CSMD2: variants seen among roughly 807,000 people sequenced by gnomAD.
The protein encoded by CSMD2 is CUB and Sushi multiple domains 2.
Under a neutral mutation model 398.5 loss-of-function variants are expected in CSMD2, and 130 were observed. That is an observed-to-expected ratio of 0.33 (90% CI 0.28 to 0.38). The LOEUF (loss-of-function observed/expected upper bound fraction) is 0.38, where lower values mean the gene tolerates loss of function less well. Ranked by LOEUF, CSMD2 falls within the 10% of genes least tolerant of loss-of-function variation. The pLI, the probability that CSMD2 is intolerant of heterozygous loss-of-function variation, is 1.00. For missense variants in CSMD2, 3,829 were observed against 4,764.9 expected (o/e 0.80, Z 5.78); for synonymous variants, 1,828 against 1,908.5 (o/e 0.96, Z 1.10).
chr1:34,019,243 G>C lies in CSMD2; in HGVS notation c.517+13351C>G, dbSNP rs116821077. Among the ~76,000 whole-genome samples, 1,475 of 152,260 alleles carry C rather than the reference G, an allele frequency of 9.7e-3. 21 individuals carry two copies. The highest frequency in any genetic ancestry group is 0.034 in the African/African-American group (1,404 of 41,536). ...CATCATCACCCAATGCATTTGCTAT[G>C]TCTCCCTGCCCTGACTCCTCTGCAT... On this transcript the variant is annotated intron_variant, in intron 3 of 70. Coordinates refer to ENST00000373381, the MANE Select transcript of CSMD2 (RefSeq NM_001281956.2).
chr1:33,788,268 G>A (rs1182087804), intron 12 of CSMD2, among the ~76,000 whole-genome samples: 2 of 152,108 alleles, frequency 1.3e-5, no homozygotes, highest in East Asian at 3.9e-4. Context: ...AGCACGTTGG[G>A]AGGCTGAGGC....
intron 2 of CSMD2, among the ~76,000 whole-genome samples, chr1:34,045,359 A>G (rs1652401388): frequency 6.6e-6 from 1 of 152,154 alleles, no homozygotes; most frequent in South Asian, 2.1e-4. Context: ...GAATGAGAGG[A>G]AGTCTAAAGA....
chr1:33,704,585 T>A (rs1209807292), intron 22 of CSMD2, among the ~76,000 whole-genome samples: 1 of 152,242 alleles, frequency 6.6e-6, no homozygotes, highest in Admixed American at 6.5e-5. Context: ...AATGTCTTTT[T>A]CTTTGCTAAT....
chr1:33,610,722 G>A (rs1027351237), intron 41 of CSMD2, among the ~76,000 whole-genome samples: 2 of 152,228 alleles, frequency 1.3e-5, no homozygotes, highest in Non-Finnish European at 2.9e-5. Context: ...AAGCCCGAGG[G>A]GAAGTGACTG....
In CSMD2 at chr1:33,918,231, C is replaced by A; in HGVS notation, c.783G>T (p.Glu261Asp). ...ATGTGCAGTCGGCATTGTTATGGTA[C>A]TCCGAGGGGAAGTGGGGGCTGGAGA... Reference protein sequence around the residue: ...GIISSPHFPSEYHNNADCTWT... With the variant: ...GIISSPHFPSDYHNNADCTWT... The change falls in exon 5 of 71, where the codon GAG (glutamate) becomes GAT (aspartate). Residue 261 changes from glutamate (E) to aspartate (D), a missense_variant. Glu to Asp is a conservative substitution (Grantham distance 45). Transcript: ENST00000373381. 2 of 1,614,146 alleles carry A rather than the reference C, an allele frequency of 1.2e-6. No individual in the cohort carries two copies. Among genetic ancestry groups the A allele is most frequent in the Non-Finnish European group, 1.7e-6 (2 of 1,180,034 alleles).
chr1:33,874,394 G>C (rs531569458), intron 5 of CSMD2, among the ~76,000 whole-genome samples: 1 of 152,356 alleles, frequency 6.6e-6, no homozygotes, highest in African/African-American at 2.4e-5. Flanking sequence ...CAGCAGGTTA[G>C]GTGCTCAGTT....
intron 40 of CSMD2, among the ~76,000 whole-genome samples, chr1:33,613,794 G>T (rs1641202643): frequency 6.6e-6 from 1 of 152,144 alleles, no homozygotes; most frequent in Non-Finnish European, 1.5e-5. Context: ...TCAGCACAAA[G>T]CCCTCATCCC....
intron 15 of CSMD2, among the ~76,000 whole-genome samples, chr1:33,736,229 T>C (rs954858098): frequency 3.3e-5 from 5 of 152,216 alleles, no homozygotes; most frequent in East Asian, 3.9e-4. Flanking sequence ...GCTTATGAAA[T>C]AGTGAGCCGC....
intron 3 of CSMD2, 86 bp from the exon 4 acceptor site, chr1:33,936,040 G>GGGAGTT: frequency 9.0e-7 from 1 of 1,110,398 alleles, no homozygotes; most frequent in Non-Finnish European, 1.3e-6. Flanking sequence ...CAACTCCCTA[G>GGGAGTT]GCCACTCGGG....
chr1:33,802,083 T>C (rs1655674700), intron 10 of CSMD2, among the ~76,000 whole-genome samples: 1 of 152,190 alleles, frequency 6.6e-6, no homozygotes, highest in African/African-American at 2.4e-5. Context: ...TGATGAAATT[T>C]GGGAAAAATT....
At chr1:33,584,676 T>G (rs1322893715) in intron 46 of CSMD2, among the ~76,000 whole-genome samples, 1 of 135,114 alleles carries the variant, frequency 7.4e-6, no homozygotes, top group African/African-American at 2.7e-5. Flanking sequence ...AAAAAAAATA[T>G]ATCTATATAC....
intron 7 of CSMD2, among the ~76,000 whole-genome samples, chr1:33,821,802 G>A (rs1365645282): frequency 1.3e-5 from 2 of 152,180 alleles, no homozygotes; most frequent in Non-Finnish European, 2.9e-5. Flanking sequence ...GAGGGATGAA[G>A]GATGCACCCG....
chr1:33,891,004 T>C (rs1286869629), intron 5 of CSMD2, among the ~76,000 whole-genome samples: 2 of 152,094 alleles, frequency 1.3e-5, no homozygotes, highest in Non-Finnish European at 2.9e-5. Context: ...AGACTTCATG[T>C]CTAAAACACC....
chr1:33,584,070 A>G (rs185329461), intron 46 of CSMD2, among the ~76,000 whole-genome samples: 4 of 152,272 alleles, frequency 2.6e-5, no homozygotes, highest in South Asian at 2.1e-4. Flanking sequence ...CACTTCCTAG[A>G]TAAGTTGTGG....
intron 10 of CSMD2, among the ~76,000 whole-genome samples, chr1:33,793,058 C>T (rs1384684436): frequency 1.3e-5 from 2 of 152,236 alleles, no homozygotes; most frequent in Non-Finnish European, 2.9e-5. Context: ...CAAATATTTA[C>T]TAAGCACTCC....
intron 33 of CSMD2, among the ~76,000 whole-genome samples, chr1:33,625,702 G>A (rs149584746): frequency 1.3e-5 from 2 of 152,154 alleles, no homozygotes; most frequent in African/African-American, 2.4e-5. Flanking sequence ...CCCTCCTGCC[G>A]CCCAGAATGG....
At chr1:33,528,377 C>T (rs1355806470) in intron 64 of CSMD2, among the ~76,000 whole-genome samples, 2 of 152,208 alleles carry the variant, frequency 1.3e-5, no homozygotes, top group African/African-American at 2.4e-5. Context: ...TCTGCCTTGT[C>T]GCCATTAAGG....
At chr1:33,949,640 A>G (rs1028181049) in intron 3 of CSMD2, among the ~76,000 whole-genome samples, 1 of 152,146 alleles carries the variant, frequency 6.6e-6, no homozygotes, top group African/African-American at 2.4e-5. Context: ...TCACAACTTC[A>G]GGGATGAGGG....
chr1:34,001,872 A>G (rs1646915348), intron 3 of CSMD2, among the ~76,000 whole-genome samples: 1 of 152,208 alleles, frequency 6.6e-6, no homozygotes, highest in Non-Finnish European at 1.5e-5. Context: ...CTCCTCTTCA[A>G]TGCAGGGGTG....
Sources: gnomAD v4.1 joint callset for allele counts (sites outside exome capture counted in the v4.1 genomes callset) on GRCh38, gnomAD v4.1.1 for gene constraint, MANE v1.5 for transcripts, NCBI Gene and HGNC (gene_info 2026-07-23, HGNC 2026-07-21) for gene names.